SLIT3: variants seen among roughly 807,000 people sequenced by gnomAD.
SLIT3 encodes the protein slit guidance ligand 3.
A neutral mutation model predicts 184.0 loss-of-function variants in SLIT3; 68 were observed. That is an observed-to-expected ratio of 0.37 (90% CI 0.30 to 0.45). The LOEUF is 0.45. Among genes scored for constraint, SLIT3 ranks in the 20% least tolerant of loss-of-function variants. SLIT3 has a pLI of 1.00. For synonymous variants in SLIT3, 831 were observed against 828.6 expected, an observed-to-expected ratio of 1.00 and a Z score of -0.05; for missense variants, 1,707 against 2,026.0, an observed-to-expected ratio of 0.84 and a Z score of 3.02.
At chr5:169,174,042 G>C (rs1762895203) in intron 4 of SLIT3, among the ~76,000 whole-genome samples, 1 of 152,080 alleles carries the variant, frequency 6.6e-6, no homozygotes, top group Non-Finnish European at 1.5e-5. Context: ...CCCTTCTCTG[G>C]TTACAAACCA....
At chr5:168,695,614 A>G (rs557309573) in intron 28 of SLIT3, among the ~76,000 whole-genome samples, 2 of 152,282 alleles carry the variant, frequency 1.3e-5, no homozygotes, top group East Asian at 3.9e-4. Flanking sequence ...TTGCTTCACA[A>G]TCTAATGATA....
chr5:169,147,555 G>A (rs888638750), intron 4 of SLIT3, among the ~76,000 whole-genome samples: 2 of 152,170 alleles, frequency 1.3e-5, no homozygotes, highest in African/African-American at 4.8e-5. Flanking sequence ...CACCACGCCT[G>A]GCCATAAATC....
chr5:168,733,603 G>T (rs1561899887), intron 20 of SLIT3, among the ~76,000 whole-genome samples: 1 of 151,946 alleles, frequency 6.6e-6, no homozygotes, highest in Non-Finnish European at 1.5e-5. Context: ...ACAAGGAGGG[G>T]AACAACACAC....
chr5:168,905,623 G>C (rs529133177), intron 4 of SLIT3, among the ~76,000 whole-genome samples: 2 of 152,210 alleles, frequency 1.3e-5, no homozygotes, highest in African/African-American at 4.8e-5. Flanking sequence ...CTGCTATTCT[G>C]GTTTTACATA....
At chr5:168,909,134 C>A (rs560674502) in intron 4 of SLIT3, among the ~76,000 whole-genome samples, 1 of 152,228 alleles carries the variant, frequency 6.6e-6, no homozygotes, top group Non-Finnish European at 1.5e-5. Flanking sequence ...TGCCTGCATG[C>A]GTATGTGAAT....
At chr5:169,103,487 T>C (rs1760092310) in intron 4 of SLIT3, among the ~76,000 whole-genome samples, 1 of 151,948 alleles carries the variant, frequency 6.6e-6, no homozygotes, top group South Asian at 2.1e-4. Context: ...GCCTGGTGAG[T>C]TTTGAAAGCA....
intron 4 of SLIT3, among the ~76,000 whole-genome samples, chr5:169,054,368 C>T (rs1757916888): frequency 6.6e-6 from 1 of 152,122 alleles, no homozygotes; most frequent in South Asian, 2.1e-4. Flanking sequence ...GAGAGCCTGG[C>T]CCTGTCCACA....
chr5:168,666,823 A>C (rs1057237263), intron 35 of SLIT3, 134 bp from the exon 36 acceptor site: 14 of 1,410,202 alleles, frequency 9.9e-6, no homozygotes, highest in Middle Eastern at 1.7e-4. Context: ...CCATCTGCCT[A>C]CCCTCCCCTC....
intron 33 of SLIT3, among the ~76,000 whole-genome samples, chr5:168,672,354 G>C (rs1761281259): frequency 1.3e-5 from 2 of 152,206 alleles, no homozygotes; most frequent in African/African-American, 2.4e-5. Flanking sequence ...GTAAAGTCTT[G>C]GGAATCTTAG....
intron 1 of SLIT3, among the ~76,000 whole-genome samples, chr5:169,271,971 C>T (rs1766638889): frequency 6.6e-6 from 1 of 152,196 alleles, no homozygotes; most frequent in South Asian, 2.1e-4. Context: ...TGGGGAAAAG[C>T]AGGCAAGTGG....
At chr5:168,960,648 G>A (rs768143976) in intron 4 of SLIT3, among the ~76,000 whole-genome samples, 48 of 152,356 alleles carry the variant, frequency 3.2e-4, no homozygotes, top group Admixed American at 7.8e-4. Context: ...CACCCTGGCC[G>A]AAGTTACCTT....
At chr5:169,171,004 TTAA>T (rs1762800976) in intron 4 of SLIT3, among the ~76,000 whole-genome samples, 1 of 152,302 alleles carries the variant, frequency 6.6e-6, no homozygotes, top group Admixed American at 6.5e-5. Flanking sequence ...AACATCTTGG[TTAA>T]TAACACCAAA....
At chr5:169,150,441 T>C (rs1362397393) in intron 4 of SLIT3, among the ~76,000 whole-genome samples, 2 of 151,902 alleles carry the variant, frequency 1.3e-5, no homozygotes, top group Non-Finnish European at 1.5e-5. Context: ...AAGGTCTAAC[T>C]AAGGAAGAAA....
chr5:168,697,467 T>C (rs1472440607), intron 27 of SLIT3, among the ~76,000 whole-genome samples: 1 of 152,172 alleles, frequency 6.6e-6, no homozygotes, highest in Non-Finnish European at 1.5e-5. Context: ...ATTAAATAAA[T>C]GCTGCAATGA....
chr5:169,062,608 A>G (rs1758212310), intron 4 of SLIT3, among the ~76,000 whole-genome samples: 1 of 152,210 alleles, frequency 6.6e-6, no homozygotes, highest in Non-Finnish European at 1.5e-5. Flanking sequence ...ATACTAGTGT[A>G]TCATCCTATT....
At position 169,021,486 on chromosome 5, in the gene SLIT3, G is replaced by A. The variant is rs192322692; in HGVS notation, c.414-138150C>T. On this transcript the variant is annotated intron_variant, in intron 4 of 35. Transcript: ENST00000519560. ...CTGCCTCAGCCTCCAGAGTTGCTGG[G>A]ATTACAGGCACCAGCCACCATGCCT... 3.6e-3 allele frequency among the ~76,000 whole-genome samples: 555 copies of A among 152,234 alleles called. 2 individuals are homozygous for A. The highest frequency in any genetic ancestry group is 6.0e-3 in the Non-Finnish European group (410 of 68,016).
At chr5:168,991,598 G>A (rs1755332360) in intron 4 of SLIT3, among the ~76,000 whole-genome samples, 2 of 152,226 alleles carry the variant, frequency 1.3e-5, no homozygotes. Flanking sequence ...ATGCCAGCCT[G>A]GGGAATGCAG....
chr5:168,875,168 G>C (rs2113774324), intron 5 of SLIT3, among the ~76,000 whole-genome samples: 1 of 137,130 alleles, frequency 7.3e-6, no homozygotes, highest in South Asian at 2.6e-4. Context: ...AGGGAAAGAG[G>C]AAAGAAGGGA....
intron 4 of SLIT3, among the ~76,000 whole-genome samples, chr5:168,963,626 A>G (rs1763086587): frequency 6.6e-6 from 1 of 152,230 alleles, no homozygotes; most frequent in Non-Finnish European, 1.5e-5. Context: ...TGTCAACTCT[A>G]CGAGGGCAGA....
Sources: gnomAD v4.1 joint callset for allele counts (sites outside exome capture counted in the v4.1 genomes callset) on GRCh38, gnomAD v4.1.1 for gene constraint, MANE v1.5 for transcripts, NCBI Gene and HGNC (gene_info 2026-07-23, HGNC 2026-07-21) for gene names.